The following NRG1 variants were observed in gnomAD, a reference collection of about 807,000 sequenced individuals.
The protein encoded by NRG1 is neuregulin 1.
NRG1 carries 18 observed loss-of-function variants against 63.8 expected under a neutral mutation model. The observed-to-expected ratio is 0.28, with a 90% CI of 0.19 to 0.42. NRG1 has a LOEUF of 0.42. Among genes scored for constraint, NRG1 ranks in the 10% least tolerant of loss-of-function variants. The probability of loss-of-function intolerance (pLI) is 1.00; values close to 1 mark genes in which losing one functional copy is unlikely to be tolerated. For missense variants in NRG1, 762 were observed against 814.7 expected (o/e 0.94, Z 0.79); for synonymous variants, 302 against 301.3 (o/e 1.00, Z -0.02).
intron 1 of NRG1, among the ~76,000 whole-genome samples, chr8:31,941,634 C>T (rs568064856): frequency 1.3e-5 from 2 of 152,088 alleles, no homozygotes; most frequent in Non-Finnish European, 2.9e-5. Flanking sequence ...GATGGTATAC[C>T]TAGAAACCCT....
chr8:32,249,245 G>C (rs528184947), intron 1 of NRG1, among the ~76,000 whole-genome samples: 3 of 152,132 alleles, frequency 2.0e-5, no homozygotes, highest in South Asian at 4.1e-4. Context: ...TGAAATTGTA[G>C]GTGCATGCCA....
rs1828051984 is a variant in NRG1 at position 31,857,670 on chromosome 8, T to C, written c.37+218239T>C. ...TACATTCTTACATGTGGTTATGTTA[T>C]ACATCATTTTAATAGGTATTTCTCA... On this transcript the variant is annotated intron_variant, in intron 1 of 10. Coordinates refer to the NRG1 transcript ENST00000519301. 3.9e-5 allele frequency among the ~76,000 whole-genome samples: 6 copies of C among 152,370 alleles called. No homozygotes were observed. The South Asian group carries it at 1.2e-3, about 32-fold the overall frequency.
chr8:32,284,527 CT>C (rs1853289579), intron 1 of NRG1, among the ~76,000 whole-genome samples: 1 of 150,434 alleles, frequency 6.6e-6, no homozygotes, highest in Non-Finnish European at 1.5e-5. Flanking sequence ...TCCTTCCTTC[CT>C]TCCTTCCTTC....
intron 1 of NRG1, among the ~76,000 whole-genome samples, chr8:32,329,620 C>A (rs1802404273): frequency 6.6e-6 from 1 of 152,124 alleles, no homozygotes; most frequent in African/African-American, 2.4e-5. Flanking sequence ...TGGAACTTGG[C>A]AACGAGTCCC....
intron 1 of NRG1, among the ~76,000 whole-genome samples, chr8:31,765,988 T>C (rs565334975): frequency 3.7e-4 from 56 of 152,282 alleles, no homozygotes; most frequent in African/African-American, 1.3e-3. Context: ...ATTTTTATAG[T>C]CTTCCTTTAT....
chr8:32,069,346 G>C (rs1476902300), intron 1 of NRG1, among the ~76,000 whole-genome samples: 1 of 152,156 alleles, frequency 6.6e-6, no homozygotes, highest in African/African-American at 2.4e-5. Flanking sequence ...TTGAGCACGG[G>C]CTTTGAGGAT....
chr8:32,529,547 C>T (rs1473905893), intron 1 of NRG1, among the ~76,000 whole-genome samples: 1 of 152,156 alleles, frequency 6.6e-6, no homozygotes. Context: ...ACACATTGTA[C>T]AGCTGTGCAA....
chr8:32,014,433 A>G (rs1310357699), intron 1 of NRG1, among the ~76,000 whole-genome samples: 3 of 152,148 alleles, frequency 2.0e-5, no homozygotes, highest in African/African-American at 7.2e-5. Flanking sequence ...GCTGCTTATC[A>G]GCTTAAGGAG....
intron 1 of NRG1, among the ~76,000 whole-genome samples, chr8:31,689,940 A>G (rs1176819329): frequency 6.6e-6 from 1 of 152,174 alleles, no homozygotes; most frequent in Non-Finnish European, 1.5e-5. Context: ...AAAGGCTTTG[A>G]TGTGGTTTGG....
At chr8:31,893,812 A>G (rs1831342286) in intron 1 of NRG1, among the ~76,000 whole-genome samples, 1 of 152,018 alleles carries the variant, frequency 6.6e-6, no homozygotes, top group African/African-American at 2.4e-5. Context: ...AGAGATAAAT[A>G]TTCCACACTT....
intron 1 of NRG1, among the ~76,000 whole-genome samples, chr8:31,924,362 AAATT>A (rs1834162228): frequency 6.6e-6 from 1 of 152,108 alleles, no homozygotes; most frequent in East Asian, 1.9e-4. Context: ...AAAAAAAAAA[AAATT>A]GCTTATCCAT....
chr8:32,513,977 T>C (rs1217693299), intron 1 of NRG1, among the ~76,000 whole-genome samples: 1 of 152,126 alleles, frequency 6.6e-6, no homozygotes, highest in Non-Finnish European at 1.5e-5. Context: ...AATTATGACT[T>C]GAAGATGTTG....
At chr8:32,023,622 G>A (rs1379199117) in intron 1 of NRG1, among the ~76,000 whole-genome samples, 2 of 152,146 alleles carry the variant, frequency 1.3e-5, no homozygotes, top group African/African-American at 4.8e-5. Context: ...CAGATTGTGA[G>A]GGGAAAGGTT....
intron 1 of NRG1, among the ~76,000 whole-genome samples, chr8:31,885,104 A>G (rs534524181): frequency 6.6e-6 from 1 of 152,262 alleles, no homozygotes; most frequent in East Asian, 1.9e-4. Context: ...ATTTAATGCT[A>G]CCAATAGATG....
chr8:31,768,396 T>C (rs1818287632), intron 1 of NRG1, among the ~76,000 whole-genome samples: 1 of 152,180 alleles, frequency 6.6e-6, no homozygotes, highest in Admixed American at 6.6e-5. Context: ...TAGAAAAATA[T>C]CCACCTTATC....
chr8:32,433,795 A>T (rs547706599), intron 1 of NRG1, among the ~76,000 whole-genome samples: 78 of 152,182 alleles, frequency 5.1e-4, no homozygotes, highest in African/African-American at 1.8e-3. Context: ...CCTAAACCTC[A>T]CCAGGAGTAG....
At chr8:31,979,679 C>A (rs993963278) in intron 1 of NRG1, among the ~76,000 whole-genome samples, 4 of 152,078 alleles carry the variant, frequency 2.6e-5, no homozygotes, top group African/African-American at 9.7e-5. Context: ...ATTTTAAGCA[C>A]CTTGAGGACA....
chr8:31,665,961 G>A (rs767145535), intron 1 of NRG1, among the ~76,000 whole-genome samples: 24 of 151,474 alleles, frequency 1.6e-4, no homozygotes, highest in Non-Finnish European at 2.5e-4. Context: ...TCTTTTTGCC[G>A]TTTGGGAACA....
chr8:31,913,686 G>A (rs1833135068), intron 1 of NRG1, among the ~76,000 whole-genome samples: 2 of 152,030 alleles, frequency 1.3e-5, no homozygotes, highest in Admixed American at 1.3e-4. Context: ...TCACTCTTAG[G>A]CGCTTCTCCT....
Sources: gnomAD v4.1 joint callset for allele counts (sites outside exome capture counted in the v4.1 genomes callset) on GRCh38, gnomAD v4.1.1 for gene constraint, MANE v1.5 for transcripts, NCBI Gene and HGNC (gene_info 2026-07-23, HGNC 2026-07-21) for gene names.